CACNG4: variants seen among roughly 807,000 people sequenced by gnomAD.
The protein encoded by CACNG4 is calcium voltage-gated channel auxiliary subunit gamma 4.
In CACNG4, 8 loss-of-function variants were observed where a neutral mutation model predicts 22.9. That is an observed-to-expected ratio of 0.35 (90% CI 0.21 to 0.63). The LOEUF (loss-of-function observed/expected upper bound fraction) is 0.63. Ranked by LOEUF, CACNG4 falls within the 30% of genes least tolerant of loss-of-function variation. CACNG4 has a pLI of 0.72. For synonymous variants in CACNG4, 188 were observed against 191.9 expected (o/e 0.98, Z 0.17); for missense variants, 357 against 455.4 (o/e 0.78, Z 1.97).
At chr17:66,975,076 C>G (rs553717227) in intron 1 of CACNG4, among the ~76,000 whole-genome samples, 8 of 151,994 alleles carry the variant, frequency 5.3e-5, no homozygotes, top group Non-Finnish European at 1.0e-4. Context: ...GTGGAGGTGT[C>G]GGGAAATGCT....
At chr17:66,975,433 A>C (rs2035230413) in intron 1 of CACNG4, among the ~76,000 whole-genome samples, 1 of 152,220 alleles carries the variant, frequency 6.6e-6, no homozygotes, top group Admixed American at 6.5e-5. Context: ...CAAATTGCCT[A>C]ACCTCTCTGA....
rs140655475 is a variant in CACNG4, at chr17:66,997,471, A to T, written c.221-20718A>T. Among the ~76,000 whole-genome samples the T allele has an allele frequency of 2.2e-3, 330 of 152,174 alleles. 1 individual carries two copies. The highest frequency in any genetic ancestry group is 6.8e-3 in the Middle Eastern group (2 of 294). On this transcript the variant is annotated intron_variant, in intron 1 of 3. Coordinates refer to ENST00000262138, the MANE Select transcript of CACNG4 (RefSeq NM_014405.4). ...GCCCCTGTTGGACTTCTAGGTGGAG[A>T]TGTCCCCGGGGATGGGATGCCTGAG...
At chr17:66,967,380 C>T (rs1420387226) in intron 1 of CACNG4, among the ~76,000 whole-genome samples, 1 of 152,184 alleles carries the variant, frequency 6.6e-6, no homozygotes, top group Non-Finnish European at 1.5e-5. Context: ...TTCAAGATTC[C>T]TTGGCTAGAA....
chr17:67,007,034 G>A lies in CACNG4; in HGVS notation c.221-11155G>A, dbSNP rs193084242. ...CACTAAAAATACAAAAATTAGCCAG[G>A]CATGGTGGCCGGTGCCTATAGTCCC... On this transcript the variant is annotated intron_variant, in intron 1 of 3. Transcript: ENST00000262138. Among the ~76,000 whole-genome samples, 8 of 152,246 alleles carry A rather than the reference G, an allele frequency of 5.3e-5. No homozygotes were observed. The East Asian group carries it at 1.5e-3, about 29-fold the overall frequency.
At chr17:67,003,364 C>G (rs970578101) in intron 1 of CACNG4, among the ~76,000 whole-genome samples, 1 of 151,778 alleles carries the variant, frequency 6.6e-6, no homozygotes, top group African/African-American at 2.4e-5. Context: ...CGTACTGTCT[C>G]TATGCTATCC....
At chr17:66,987,803 C>T (rs2035313251) in intron 1 of CACNG4, among the ~76,000 whole-genome samples, 1 of 152,034 alleles carries the variant, frequency 6.6e-6, no homozygotes, top group Non-Finnish European at 1.5e-5. Context: ...TACCCAGAAG[C>T]CAAGGGCAAG....
intron 2 of CACNG4, 145 bp downstream of exon 2, chr17:67,018,417 G>C: frequency 1.5e-6 from 1 of 649,328 alleles, no homozygotes; most frequent in Non-Finnish European, 2.7e-6. Flanking sequence ...CAGACATTGT[G>C]AGTTTGGAGG....
At chr17:66,999,198 T>C (rs970603571) in intron 1 of CACNG4, among the ~76,000 whole-genome samples, 5 of 151,992 alleles carry the variant, frequency 3.3e-5, no homozygotes, top group African/African-American at 1.2e-4. Context: ...ACTGAATGAG[T>C]TAGAATATGA....
chr17:67,008,186 A>C (rs1018944692), intron 1 of CACNG4, among the ~76,000 whole-genome samples: 1 of 152,316 alleles, frequency 6.6e-6, no homozygotes, highest in East Asian at 1.9e-4. Flanking sequence ...CGAGGGTCTC[A>C]TGGAGAGCCA....
intron 1 of CACNG4, among the ~76,000 whole-genome samples, chr17:66,989,531 C>T (rs966784447): frequency 2.0e-5 from 3 of 151,516 alleles, no homozygotes; most frequent in Non-Finnish European, 2.9e-5. Context: ...TTCTAGCCCC[C>T]AGAACCATTC....
At chr17:66,992,624 T>C (rs2035348068) in intron 1 of CACNG4, among the ~76,000 whole-genome samples, 3 of 152,170 alleles carry the variant, frequency 2.0e-5, no homozygotes, top group Admixed American at 2.0e-4. Context: ...ATCCCATGGC[T>C]CCCCAGAGCG....
intron 3 of CACNG4, among the ~76,000 whole-genome samples, chr17:67,029,589 G>A (rs1016035244): frequency 6.6e-5 from 10 of 152,164 alleles, no homozygotes; most frequent in Middle Eastern, 3.2e-3. Context: ...AGCCGAGATC[G>A]CGCCACTGCA....
At chr17:66,990,304 A>C (rs1051260630) in intron 1 of CACNG4, among the ~76,000 whole-genome samples, 1 of 152,196 alleles carries the variant, frequency 6.6e-6, no homozygotes, top group Admixed American at 6.5e-5. Context: ...CCCCCTTGGC[A>C]GTTCACTGCA....
chr17:67,022,966 G>A (rs879584785), intron 2 of CACNG4, among the ~76,000 whole-genome samples: 2 of 152,224 alleles, frequency 1.3e-5, no homozygotes, highest in Non-Finnish European at 2.9e-5. Context: ...TGCGTGACCT[G>A]CAACAGAAAT....
chr17:67,028,548 G>C (rs991879542), intron 3 of CACNG4, among the ~76,000 whole-genome samples: 1 of 150,280 alleles, frequency 6.7e-6, no homozygotes, highest in Non-Finnish European at 1.5e-5. Flanking sequence ...GCGAGACTCC[G>C]TCTCAAAAAA....
At chr17:66,989,137 G>A (rs910073418) in intron 1 of CACNG4, among the ~76,000 whole-genome samples, 2 of 149,602 alleles carry the variant, frequency 1.3e-5, no homozygotes, top group South Asian at 2.1e-4. Flanking sequence ...TTTTATTCCC[G>A]GCATCTTTAG....
chr17:67,031,128 TC>T lies in CACNG4; in HGVS notation c.*126del. ...AAGCCAAATGCAGCCCTCCCTGGCC[TC>T]CAGAGGTGGCGTGGGCTGGCTTTGC... On this transcript the variant is annotated 3_prime_UTR_variant, in exon 4 of 4. Transcript: ENST00000262138. This position sits in a 1 kb window ranked among gnomAD's most constrained non-coding sequence, Gnocchi z 4.0. 9.1e-7 allele frequency: 1 copy of T among 1,102,912 alleles called. No homozygotes were observed. Among genetic ancestry groups the T allele is most frequent in the Non-Finnish European group, 1.3e-6 (1 of 771,678 alleles). The allele number at this position is 1,102,912 out of a possible 1,614,324, so 68.3% of individuals were successfully genotyped here. A position where few individuals can be genotyped will look rare whatever the true frequency, so the allele number is the denominator to read the frequency against.
intron 1 of CACNG4, among the ~76,000 whole-genome samples, chr17:66,973,992 G>C (rs1197500225): frequency 6.6e-6 from 1 of 152,174 alleles, no homozygotes; most frequent in Admixed American, 6.5e-5. Flanking sequence ...TTCTTCCAAT[G>C]AAAAACTTTT....
intron 2 of CACNG4, among the ~76,000 whole-genome samples, chr17:67,023,632 C>A (rs564786400): frequency 6.8e-6 from 1 of 147,294 alleles, no homozygotes; most frequent in South Asian, 2.2e-4. Context: ...AGTGCAATGG[C>A]GCAATCTCAG....
Sources: allele counts gnomAD v4.1 joint callset (sites outside exome capture counted in the v4.1 genomes callset), GRCh38; gene constraint gnomAD v4.1.1; non-coding constraint Gnocchi (gnomAD v3.1); transcripts MANE v1.5; gene names NCBI Gene and HGNC (gene_info 2026-07-23, HGNC 2026-07-21).